STK3: variants seen among roughly 807,000 people sequenced by gnomAD.
The protein encoded by STK3 is serine/threonine-protein kinase 3.
STK3 carries 41 observed loss-of-function variants against 58.0 expected under a neutral mutation model. The observed-to-expected ratio is 0.71, with a 90% CI of 0.55 to 0.92. STK3 has a LOEUF of 0.92. Among genes scored for constraint, STK3 ranks in the 40% least tolerant of loss-of-function variants. The probability of loss-of-function intolerance (pLI) is 0.00; values close to 1 mark genes in which losing one functional copy is unlikely to be tolerated. For synonymous variants in STK3, 170 were observed against 191.0 expected, an observed-to-expected ratio of 0.89 and a Z score of 0.91; for missense variants, 479 against 602.7, an observed-to-expected ratio of 0.79 and a Z score of 2.15.
intron 1 of STK3, among the ~76,000 whole-genome samples, chr8:98,941,128 C>T (rs563305805): frequency 2.4e-4 from 37 of 152,282 alleles, no homozygotes; most frequent in Non-Finnish European, 4.4e-4. Context: ...CTCCAGGGGG[C>T]GCTGCGGCCC....
At chr8:98,597,886 G>A (rs935169499) in intron 6 of STK3, 4 of 984,206 alleles carry the variant, frequency 4.1e-6, no homozygotes, top group Admixed American at 1.2e-4. Context: ...ATGAAATTCT[G>A]CCTGCAAATA....
intron 6 of STK3, among the ~76,000 whole-genome samples, chr8:98,671,591 T>G (rs1822836948): frequency 6.6e-6 from 1 of 151,940 alleles, no homozygotes. Context: ...TTGTTTTTTG[T>G]TTTTTTGGGA....
chr8:98,430,142 A>C (rs1188957869), intron 3 of STK3: 1 of 167,014 alleles, frequency 6.0e-6, no homozygotes, highest in Non-Finnish European at 1.5e-5. Context: ...TCCCAAGAAC[A>C]GATGTGTTAG....
chr8:98,581,183 A>G (rs540630628), intron 7 of STK3, among the ~76,000 whole-genome samples: 2 of 152,310 alleles, frequency 1.3e-5, no homozygotes, highest in East Asian at 3.9e-4. Flanking sequence ...GGCCTGGGCT[A>G]TGGAGGGCTC....
intron 3 of STK3, among the ~76,000 whole-genome samples, chr8:98,838,074 CAAAAAAAAAAA>C (rs58973724): frequency 1.2e-3 from 72 of 58,762 alleles, no homozygotes; most frequent in Non-Finnish European, 1.8e-3. Flanking sequence ...ACTAAAAATA[CAAAAAAAAAAA>C]AAAAAAAAAA....
At chr8:98,867,346 G>A (rs192810582) in intron 3 of STK3, among the ~76,000 whole-genome samples, 21 of 152,268 alleles carry the variant, frequency 1.4e-4, no homozygotes, top group Non-Finnish European at 2.4e-4. Context: ...CCTGGGAGGC[G>A]GAGGTTCCAG....
intron 4 of STK3, among the ~76,000 whole-genome samples, chr8:98,732,039 A>T (rs1436017922): frequency 6.6e-6 from 1 of 152,218 alleles, no homozygotes; most frequent in Non-Finnish European, 1.5e-5. Context: ...TGAAAAAGGA[A>T]TAATCAAAAG....
intron 6 of STK3, among the ~76,000 whole-genome samples, chr8:98,606,850 T>G (rs1022963272): frequency 2.0e-5 from 3 of 152,240 alleles, no homozygotes; most frequent in Admixed American, 2.0e-4. Flanking sequence ...GTATAGTTCT[T>G]TCCTGAATTC....
chr8:98,492,471 T>G (rs1822772017), intron 10 of STK3, among the ~76,000 whole-genome samples: 1 of 151,974 alleles, frequency 6.6e-6, no homozygotes, highest in African/African-American at 2.4e-5. Context: ...AGGTGTGAAA[T>G]TGGAGAAAGG....
intron 10 of STK3, among the ~76,000 whole-genome samples, chr8:98,507,902 C>T (rs1295073665): frequency 6.6e-6 from 1 of 152,158 alleles, no homozygotes; most frequent in South Asian, 2.1e-4. Context: ...CCTTCTCCAA[C>T]CATTCTACTC....
intron 1 of STK3, among the ~76,000 whole-genome samples, chr8:98,821,688 A>G (rs902584386): frequency 1.3e-5 from 2 of 152,070 alleles, no homozygotes; most frequent in South Asian, 2.1e-4. Context: ...TTAAAAAGAA[A>G]AAAAAGGACT....
At chr8:98,412,493 G>A (rs541018604) in intron 3 of STK3, among the ~76,000 whole-genome samples, 8 of 152,322 alleles carry the variant, frequency 5.3e-5, no homozygotes, top group African/African-American at 1.9e-4. Flanking sequence ...TGTATAAACA[G>A]TTTCAAAGCC....
Position 98,851,561 on chromosome 8 carries a change from AACT to A in STK3, c.110+32083_110+32085del, listed in dbSNP as rs536984520. 2.6e-3 allele frequency among the ~76,000 whole-genome samples: 390 copies of A among 152,322 alleles called. 1 individual carries two copies. The highest frequency in any genetic ancestry group is 4.7e-3 in the Non-Finnish European group (322 of 68,032). ...ATTTTTGTCAAAAACTATCTTCCTC[AACT>A]ACACGGAAAAATCCATTTTTAGAGT... On this transcript the variant is annotated intron_variant, in intron 3 of 12. Transcript: ENST00000523601.
intron 4 of STK3, among the ~76,000 whole-genome samples, chr8:98,740,738 A>G (rs1475614307): frequency 1.3e-5 from 2 of 152,234 alleles, no homozygotes; most frequent in South Asian, 2.1e-4. Context: ...AAATTCACAT[A>G]TAACAATATT....
intron 6 of STK3, among the ~76,000 whole-genome samples, chr8:98,689,751 C>G (rs1053570155): frequency 7.2e-5 from 11 of 152,018 alleles, no homozygotes; most frequent in Non-Finnish European, 1.6e-4. Flanking sequence ...CCACTGCACC[C>G]CAGCCTGGAT....
At chr8:98,392,811 C>T (rs563384542), upstream of STK3, among the ~76,000 whole-genome samples, 5 of 152,318 alleles carry the variant, frequency 3.3e-5, no homozygotes, top group African/African-American at 1.2e-4. Flanking sequence ...AAGCCAAGTA[C>T]CTCTTCATGG....
intron 7 of STK3, 119 bp from the exon 8 acceptor site, chr8:98,579,908 A>C (rs747090641): frequency 1.3e-4 from 121 of 939,662 alleles, no homozygotes; most frequent in Non-Finnish European, 1.3e-4. Flanking sequence ...TTGTTTTTTC[A>C]TCTAGAATTA....
intron 10 of STK3, among the ~76,000 whole-genome samples, chr8:98,471,382 G>T (rs1346452701): frequency 7.1e-6 from 1 of 141,428 alleles, no homozygotes; most frequent in Admixed American, 7.2e-5. Context: ...TTAATGCATA[G>T]ACTTACCATT....
intron 1 of STK3, among the ~76,000 whole-genome samples, chr8:98,796,123 A>G (rs1189088869): frequency 6.6e-6 from 1 of 152,232 alleles, no homozygotes; most frequent in Non-Finnish European, 1.5e-5. Context: ...ATCATTTTGG[A>G]CAAAACTAGA....
Sources: gnomAD v4.1 joint callset for allele counts (sites outside exome capture counted in the v4.1 genomes callset) on GRCh38, gnomAD v4.1.1 for gene constraint, MANE v1.5 for transcripts, NCBI Gene and HGNC (gene_info 2026-07-23, HGNC 2026-07-21) for gene names.